Variants in ERCC8 observed in about 807,000 individuals in gnomAD.
ERCC8 encodes the protein ERCC excision repair 8, CSA ubiquitin ligase complex subunit.
ERCC8 carries 52 observed loss-of-function variants against 54.9 expected under a neutral mutation model. The observed-to-expected ratio is 0.95, with a 90% CI of 0.76 to 1.19. ERCC8 has a LOEUF of 1.19. ERCC8 is among the 50% of genes most tolerant of loss of function. The pLI is 0.00. For synonymous variants in ERCC8, 146 were observed against 157.2 expected (o/e 0.93, Z 0.53); for missense variants, 514 against 466.1 (o/e 1.10, Z -0.95).
rs975414457 is a variant in ERCC8 at position 60,873,446 on chromosome 5, G to A, written c.*1169C>T. ...TTCCAGCACTTTGAGAGGCCGAGGC[G>A]GGTGGATCATTTGAGGTCAGCAGTT... On this transcript the variant is annotated 3_prime_UTR_variant, in exon 12 of 12. Transcript: ENST00000676185. Among the ~76,000 whole-genome samples the A allele has an allele frequency of 5.3e-5, 8 of 152,108 alleles. No homozygotes were observed. The highest frequency in any genetic ancestry group is 1.2e-4 in the Non-Finnish European group (8 of 68,014).
intron 1 of ERCC8, 80 bp downstream of exon 1, chr5:60,944,852 G>T (rs1750387137): frequency 1.9e-6 from 2 of 1,041,578 alleles, no homozygotes; most frequent in Non-Finnish European, 3.0e-6. Context: ...GCGATGAGAC[G>T]GGAAAGTGTG....
chr5:60,874,789 T>A, intron 11 of ERCC8, 106 bp from the exon 12 acceptor site: 1 of 902,898 alleles, frequency 1.1e-6, no homozygotes, highest in Non-Finnish European at 1.7e-6. Context: ...AGCAATTACA[T>A]TATTTTGGAA....
At chr5:60,897,974 T>C (rs1393214020) in intron 9 of ERCC8, among the ~76,000 whole-genome samples, 1 of 152,202 alleles carries the variant, frequency 6.6e-6, no homozygotes, top group African/African-American at 2.4e-5. Context: ...CTTAGCTTCA[T>C]ATCTTTAATT....
chr5:60,898,481 T>A, intron 8 of ERCC8, 81 bp from the exon 9 acceptor site: 1 of 1,510,678 alleles, frequency 6.6e-7, no homozygotes, highest in Non-Finnish European at 9.2e-7. Context: ...TTAAACATAT[T>A]AAAGGACAAC....
In ERCC8 at chr5:60,904,632, GTGTATATATATATA is replaced by G. The variant is rs1749007277; in HGVS notation, c.481+146_481+159del. Among the ~76,000 whole-genome samples the G allele has an allele frequency of 5.9e-4, 21 of 35,866 alleles. 1 individual carries two copies. The highest frequency in any genetic ancestry group is 5.1e-3 in the Admixed American group (15 of 2,936). 23.5% of individuals were successfully genotyped at this position (35,866 alleles called of 152,430 possible). On this transcript the variant is annotated intron_variant, in intron 5 of 11. Transcript: ENST00000676185. The stretch of plus-strand genomic sequence containing the variant: ...TGTTGAATATATATAGTGTGTGTGT[GTGTATATATATATA>G]TATATATATATATATATATATATAT...
intron 11 of ERCC8, among the ~76,000 whole-genome samples, chr5:60,881,446 G>A (rs891342984): frequency 6.6e-6 from 1 of 152,170 alleles, no homozygotes; most frequent in African/African-American, 2.4e-5. Flanking sequence ...TGGCTATGCC[G>A]TGCCCCCAGA....
chr5:60,928,161 T>C (rs1749806705), intron 2 of ERCC8, among the ~76,000 whole-genome samples: 2 of 152,186 alleles, frequency 1.3e-5, no homozygotes, highest in South Asian at 2.1e-4. Flanking sequence ...TAATGCAGTG[T>C]TATGACGAAT....
chr5:60,916,115 C>T (rs571513889), intron 4 of ERCC8, among the ~76,000 whole-genome samples: 39 of 152,116 alleles, frequency 2.6e-4, no homozygotes, highest in African/African-American at 8.7e-4. Context: ...TCTATGGTCT[C>T]GCATAGCTTG....
At chr5:60,907,680 C>A (rs1749119120) in intron 4 of ERCC8, among the ~76,000 whole-genome samples, 1 of 152,184 alleles carries the variant, frequency 6.6e-6, no homozygotes, top group Non-Finnish European at 1.5e-5. Flanking sequence ...TCTATAACCT[C>A]TGTCCCCACT....
chr5:60,873,783 G>GA lies in ERCC8; in HGVS notation c.*831dup. On this transcript the variant is annotated 3_prime_UTR_variant, in exon 12 of 12. Transcript: ENST00000676185. Reference sequence around the variant, plus strand: ...CTACTGCTGGTAAGGATCAGGAAGGGAAAATTAAGATTACCTTCATGATAA... The same window carrying GA: ...CTACTGCTGGTAAGGATCAGGAAGGGAAAAATTAAGATTACCTTCATGATAA... 6.6e-6 allele frequency: 1 copy of GA among 152,260 alleles called. No homozygotes were observed. The highest frequency in any genetic ancestry group is 1.9e-4 in the East Asian group (1 of 5,188). The allele number at this position is 152,260 out of a possible 1,614,324, so 9.4% of individuals were successfully genotyped here.
intron 2 of ERCC8, among the ~76,000 whole-genome samples, chr5:60,927,391 T>A (rs951112934): frequency 6.6e-6 from 1 of 152,214 alleles, no homozygotes; most frequent in Non-Finnish European, 1.5e-5. Flanking sequence ...TAATGCAAAA[T>A]ACAAGTCTTA....
chr5:60,898,534 AACCC>A, intron 8 of ERCC8, 134 bp from the exon 9 acceptor site: 4 of 899,966 alleles, frequency 4.4e-6, no homozygotes, highest in Non-Finnish European at 5.3e-6. Flanking sequence ...ATACTTAACC[AACCC>A]TTCAGATTAT....
chr5:60,923,890 C>A (rs778920677), intron 2 of ERCC8, among the ~76,000 whole-genome samples: 3 of 152,236 alleles, frequency 2.0e-5, no homozygotes, highest in Non-Finnish European at 4.4e-5. Flanking sequence ...TTCCTTTTCA[C>A]CTCAAAGTAA....
At chr5:60,895,505 GAAAT>G (rs2112482695) in intron 9 of ERCC8, among the ~76,000 whole-genome samples, 1 of 152,146 alleles carries the variant, frequency 6.6e-6, no homozygotes, top group East Asian at 1.9e-4. Flanking sequence ...CTGTTAAACG[GAAAT>G]AACATCATTT....
intron 9 of ERCC8, chr5:60,891,826 C>T: frequency 2.9e-6 from 1 of 345,802 alleles, no homozygotes; most frequent in African/African-American, 2.1e-5. Flanking sequence ...GGGAAGGGTT[C>T]TTTTAATATG....
intron 11 of ERCC8, 85 bp from the exon 12 acceptor site, chr5:60,874,768 A>ACT: frequency 9.1e-7 from 1 of 1,097,218 alleles, no homozygotes; most frequent in Non-Finnish European, 1.3e-6. Context: ...TATGAAATAT[A>ACT]TCAGATAAAT....
intron 10 of ERCC8, among the ~76,000 whole-genome samples, chr5:60,888,499 A>G (rs1748460871): frequency 6.6e-6 from 1 of 152,202 alleles, no homozygotes; most frequent in African/African-American, 2.4e-5. Context: ...AATTCACAAT[A>G]AGTACTAACA....
chr5:60,892,082 T>A, intron 9 of ERCC8: 2 of 529,608 alleles, frequency 3.8e-6, no homozygotes, highest in Non-Finnish European at 7.6e-6. Flanking sequence ...AGGGGGTCCA[T>A]CTCCATGATC....
In ERCC8 at chr5:60,898,408, G is replaced by A. The variant is rs779379627; in HGVS notation, c.719-8C>T. 1.9e-6 allele frequency: 3 copies of A among 1,613,094 alleles called. No individual in the cohort carries two copies. The highest frequency in any genetic ancestry group is 1.7e-5 in the Admixed American group (1 of 59,992). ...CATTATGAGCAGTGTTTGCTGCAAT[G>A]AAAAACATAGTTCAGTTTATCTGTT... is the stretch of plus-strand genomic sequence containing the variant. On this transcript the variant is annotated splice_polypyrimidine_tract_variant and splice_region_variant and intron_variant, in intron 8 of 11. Coordinates refer to ENST00000676185, the MANE Select transcript of ERCC8 (RefSeq NM_000082.4).
Sources: allele counts gnomAD v4.1 joint callset (sites outside exome capture counted in the v4.1 genomes callset), GRCh38; gene constraint gnomAD v4.1.1; transcripts MANE v1.5; gene names NCBI Gene and HGNC (gene_info 2026-07-23, HGNC 2026-07-21).